The following INVS variants were observed in gnomAD, a reference collection of about 807,000 sequenced individuals.
INVS encodes inversion of embryo turning homolog.
INVS carries 86 observed loss-of-function variants against 108.8 expected under a neutral mutation model. The ratio of observed to expected loss-of-function variants is 0.79; its 90% CI spans 0.66 to 0.95. INVS has a LOEUF of 0.95. Ranked by LOEUF, INVS falls within the 40% of genes least tolerant of loss-of-function variation. The pLI is 0.00. For missense variants in INVS, 1,169 were observed against 1,297.4 expected, an observed-to-expected ratio of 0.90 and a Z score of 1.52; for synonymous variants, 455 against 473.5, an observed-to-expected ratio of 0.96 and a Z score of 0.51.
intron 3 of INVS, among the ~76,000 whole-genome samples, chr9:100,156,907 CAAACT>C (rs1829005795): frequency 6.7e-6 from 1 of 148,366 alleles, no homozygotes; most frequent in Non-Finnish European, 1.5e-5. Context: ...ATAAACCACT[CAAACT>C]AATATATATG....
At chr9:100,150,684 T>C (rs1438723780) in intron 3 of INVS, among the ~76,000 whole-genome samples, 1 of 152,218 alleles carries the variant, frequency 6.6e-6, no homozygotes, top group Non-Finnish European at 1.5e-5. Flanking sequence ...TTGTTTTTTC[T>C]CCTACCCATA....
intron 13 of INVS, among the ~76,000 whole-genome samples, chr9:100,285,951 T>C (rs1415574021): frequency 6.6e-6 from 1 of 152,164 alleles, no homozygotes; most frequent in African/African-American, 2.4e-5. Flanking sequence ...GCCAACACAG[T>C]GAAAAAGGCA....
chr9:100,246,855 T>G, intron 8 of INVS, 68 bp downstream of exon 8: 1 of 1,374,616 alleles, frequency 7.3e-7, no homozygotes, highest in Non-Finnish European at 1.0e-6. Flanking sequence ...TGCTATAAAA[T>G]TTGTAAAATA....
intron 3 of INVS, among the ~76,000 whole-genome samples, chr9:100,181,574 C>T (rs1182385112): frequency 6.6e-6 from 1 of 152,090 alleles, no homozygotes; most frequent in Non-Finnish European, 1.5e-5. Flanking sequence ...TGAAAGACCT[C>T]TTCAAGGAGA....
intron 3 of INVS, among the ~76,000 whole-genome samples, chr9:100,205,683 ATAAT>A (rs1459561258): frequency 1.3e-5 from 2 of 151,772 alleles, no homozygotes; most frequent in Non-Finnish European, 2.9e-5. Context: ...AATAATAATT[ATAAT>A]TAATTATAAT....
intron 3 of INVS, among the ~76,000 whole-genome samples, chr9:100,216,150 T>G (rs1830979499): frequency 6.6e-6 from 1 of 152,192 alleles, no homozygotes; most frequent in Non-Finnish European, 1.5e-5. Flanking sequence ...GTTTGTAGTT[T>G]GTGGCCCCAA....
At chr9:100,210,605 A>G (rs1830803589) in intron 3 of INVS, among the ~76,000 whole-genome samples, 1 of 152,142 alleles carries the variant, frequency 6.6e-6, no homozygotes, top group Non-Finnish European at 1.5e-5. Flanking sequence ...TTTTAAGTAC[A>G]TCATCTATCC....
intron 2 of INVS, 134 bp from the exon 3 acceptor site, chr9:100,126,249 C>T: frequency 1.3e-6 from 1 of 743,832 alleles, no homozygotes; most frequent in Non-Finnish European, 2.2e-6. Context: ...ATATCTACTT[C>T]TTAGGACAAG....
rs576886377 is a variant in INVS at position 100,190,391 on chromosome 9, C to T, written c.274-35671C>T. ...AACGTTAATATTGAGATGTGAAGTACTATTTCAGTCATCATTGTTGACTGT... is the reference window on the plus strand; with the variant it reads ...AACGTTAATATTGAGATGTGAAGTATTATTTCAGTCATCATTGTTGACTGT... On this transcript the variant is annotated intron_variant, in intron 3 of 16. Transcript: ENST00000262457. 2.6e-5 allele frequency among the ~76,000 whole-genome samples: 4 copies of T among 152,236 alleles called. No homozygotes were observed. The East Asian group carries it at 5.8e-4, about 22-fold the overall frequency.
intron 16 of INVS, among the ~76,000 whole-genome samples, chr9:100,298,541 GT>G (rs1356695612): frequency 1.3e-5 from 2 of 152,020 alleles, no homozygotes; most frequent in Non-Finnish European, 2.9e-5. Context: ...TTAAATATGG[GT>G]GATAAGTTCA....
intron 3 of INVS, among the ~76,000 whole-genome samples, chr9:100,139,942 C>T (rs10819726): frequency 0.21 from 31,995 of 152,130 alleles, 5,724 homozygotes; most frequent in African/African-American, 0.49. Flanking sequence ...CGCACCCAGA[C>T]AAAATAACCA....
At chr9:100,237,877 T>C (rs1417905933) in intron 5 of INVS, among the ~76,000 whole-genome samples, 1 of 152,062 alleles carries the variant, frequency 6.6e-6, no homozygotes, top group Non-Finnish European at 1.5e-5. Flanking sequence ...GTTTTTTGTT[T>C]GTTTGGTTTT....
chr9:100,176,810 G>T (rs944024323), intron 3 of INVS, among the ~76,000 whole-genome samples: 1 of 152,004 alleles, frequency 6.6e-6, no homozygotes, highest in African/African-American at 2.4e-5. Flanking sequence ...TTAAGGTGAA[G>T]GATTAAGCTG....
At chr9:100,239,847 C>T (rs758559920) in intron 5 of INVS, among the ~76,000 whole-genome samples, 1 of 152,098 alleles carries the variant, frequency 6.6e-6, no homozygotes, top group Non-Finnish European at 1.5e-5. Flanking sequence ...TGGGATGTGC[C>T]TGTAGTCCCA....
At chr9:100,187,770 AC>A (rs1830097513) in intron 3 of INVS, among the ~76,000 whole-genome samples, 2 of 151,998 alleles carry the variant, frequency 1.3e-5, no homozygotes, top group Admixed American at 6.6e-5. Flanking sequence ...CAGGTGATGC[AC>A]AGCCTCCCAA....
chr9:100,245,021 G>A (rs1831999210), intron 7 of INVS, among the ~76,000 whole-genome samples: 2 of 152,138 alleles, frequency 1.3e-5, no homozygotes, highest in Admixed American at 6.5e-5. Context: ...GATTAGATGA[G>A]CCCTTGAATT....
chr9:100,251,776 G>A (rs931771043), intron 8 of INVS, among the ~76,000 whole-genome samples: 1 of 152,172 alleles, frequency 6.6e-6, no homozygotes, highest in Non-Finnish European at 1.5e-5. Context: ...AGATGTGCGT[G>A]CTTTCAGTAC....
intron 5 of INVS, among the ~76,000 whole-genome samples, chr9:100,233,713 A>G (rs1002896794): frequency 6.6e-6 from 1 of 152,182 alleles, no homozygotes; most frequent in African/African-American, 2.4e-5. Context: ...CATCCCAGGG[A>G]TGAAGCTGAC....
intron 13 of INVS, among the ~76,000 whole-genome samples, chr9:100,285,418 C>T (rs558914981): frequency 3.3e-5 from 5 of 152,226 alleles, no homozygotes; most frequent in African/African-American, 1.2e-4. Context: ...TGGCTTTTTG[C>T]AGTTTATCCT....
Sources: gnomAD v4.1 joint callset for allele counts (sites outside exome capture counted in the v4.1 genomes callset) on GRCh38, gnomAD v4.1.1 for gene constraint, MANE v1.5 for transcripts, NCBI Gene and HGNC (gene_info 2026-07-23, HGNC 2026-07-21) for gene names.